Variants in FAM227B observed in about 807,000 individuals in gnomAD.
The protein encoded by FAM227B is family with sequence similarity 227 member B.
A neutral mutation model predicts 73.8 loss-of-function variants in FAM227B; 88 were observed. That is an observed-to-expected ratio of 1.19 (90% confidence interval 1.00 to 1.42). The LOEUF (loss-of-function observed/expected upper bound fraction) is 1.42, where lower values mean the gene tolerates loss of function less well. FAM227B is among the 40% of genes most tolerant of loss of function. The pLI, the probability that FAM227B is intolerant of heterozygous loss-of-function variation, is 0.00. For synonymous variants in FAM227B, 210 were observed against 190.5 expected (o/e 1.10, Z -0.84); for missense variants, 632 against 590.9 (o/e 1.07, Z -0.72).
At chr15:49,618,431 G>C (rs986801449) in intron 1 of FAM227B, among the ~76,000 whole-genome samples, 1 of 152,224 alleles carries the variant, frequency 6.6e-6, no homozygotes, top group Non-Finnish European at 1.5e-5. Context: ...GTTTGCCAGT[G>C]TTTGAGAACA....
At chr15:49,562,883 G>C (rs979017248) in intron 9 of FAM227B, among the ~76,000 whole-genome samples, 12 of 151,926 alleles carry the variant, frequency 7.9e-5, no homozygotes, top group Non-Finnish European at 1.8e-4. Flanking sequence ...CAAACCCACA[G>C]CCAATATCAT....
chr15:49,517,722 TC>T lies in FAM227B; in HGVS notation c.875-9375del, dbSNP rs1597807829. Among the ~76,000 whole-genome samples, 9 of 152,276 alleles carry T rather than the reference TC, an allele frequency of 5.9e-5. No individual in the cohort carries two copies. The East Asian group carries it at 1.7e-3, about 30-fold the overall frequency. ...AATGAACAAATCATAAATGTATAGC[TC>T]AATTAATTTTTTACAAATTTAATAT... On this transcript the variant is annotated intron_variant, in intron 10 of 15. Transcript: ENST00000299338.
At chr15:49,568,145 T>C (rs1179689867) in intron 9 of FAM227B, 100 bp downstream of exon 9, 15 of 1,097,636 alleles carry the variant, frequency 1.4e-5, no homozygotes, top group Middle Eastern at 2.8e-4. Context: ...CTTTCAAAAG[T>C]AACAAAATAT....
chr15:49,553,937 A>G (rs2073346703), intron 9 of FAM227B, among the ~76,000 whole-genome samples: 1 of 152,110 alleles, frequency 6.6e-6, no homozygotes, highest in Non-Finnish European at 1.5e-5. Context: ...TCAGAGTATC[A>G]CCCAGGGCCC....
intron 2 of FAM227B, among the ~76,000 whole-genome samples, chr15:49,614,303 A>G (rs1254853777): frequency 1.3e-5 from 2 of 152,222 alleles, no homozygotes; most frequent in African/African-American, 2.4e-5. Flanking sequence ...CATGATAATA[A>G]TAAGACAAAC....
At chr15:49,401,553 T>A (rs1473384042) in intron 11 of FAM227B, among the ~76,000 whole-genome samples, 1 of 148,964 alleles carries the variant, frequency 6.7e-6, no homozygotes, top group Non-Finnish European at 1.5e-5. Flanking sequence ...CATGCACATG[T>A]ATGTTTATTG....
At chr15:49,560,421 A>G (rs2074150580) in intron 9 of FAM227B, among the ~76,000 whole-genome samples, 2 of 152,228 alleles carry the variant, frequency 1.3e-5, no homozygotes, top group Admixed American at 1.3e-4. Flanking sequence ...CTGAAAGAGA[A>G]GGAGAACAAG....
chr15:49,513,346 T>C (rs960373888), intron 10 of FAM227B, among the ~76,000 whole-genome samples: 1 of 152,248 alleles, frequency 6.6e-6, no homozygotes, highest in African/African-American at 2.4e-5. Context: ...TGCATTTCTC[T>C]AATGATCAGT....
At position 49,595,809 on chromosome 15, in the gene FAM227B, C is replaced by T. The variant is rs535825336; in HGVS notation, c.106-5802G>A. 9.2e-4 allele frequency among the ~76,000 whole-genome samples: 140 copies of T among 151,704 alleles called. 5 individuals are homozygous for T. In the South Asian group the frequency reaches 0.027, roughly 29 times the overall value. ...GGAATGAAAGACACACTTAGAAAAA[C>T]GCAAAAGACATTGAAAAGTTTCAAC... On this transcript the variant is annotated intron_variant, in intron 3 of 15. Coordinates refer to ENST00000299338, the MANE Select transcript of FAM227B (RefSeq NM_152647.3).
At chr15:49,384,294 C>T (rs922045920) in intron 11 of FAM227B, among the ~76,000 whole-genome samples, 1 of 152,030 alleles carries the variant, frequency 6.6e-6, no homozygotes, top group Non-Finnish European at 1.5e-5. Context: ...GGGTATTTTA[C>T]TCTTTGAGCA....
rs561471741 is a variant in FAM227B, at chr15:49,402,010, G to GA, written c.1013-30612dup. 9.4e-5 allele frequency among the ~76,000 whole-genome samples: 14 copies of GA among 149,456 alleles called. No homozygotes were observed. In the East Asian group the frequency reaches 9.8e-4, roughly 10 times the overall value. ...AAAACTTAAAGTATAATAAAAAGAAGAAAAAAAAAATCTTACCAAAACTGC... is the reference window on the plus strand; with the variant it reads ...AAAACTTAAAGTATAATAAAAAGAAGAAAAAAAAAAATCTTACCAAAACTGC... On this transcript the variant is annotated intron_variant, in intron 11 of 15. Coordinates refer to ENST00000299338, the MANE Select transcript of FAM227B (RefSeq NM_152647.3).
intron 11 of FAM227B, among the ~76,000 whole-genome samples, chr15:49,408,122 T>A (rs79051549): frequency 0.023 from 3,528 of 152,300 alleles, 88 homozygotes; most frequent in South Asian, 0.13. Flanking sequence ...TCAGGGAGGG[T>A]CTAAAGTTGG....
intron 11 of FAM227B, among the ~76,000 whole-genome samples, chr15:49,506,852 G>A (rs73400271): frequency 0.029 from 4,361 of 151,992 alleles, 218 homozygotes; most frequent in African/African-American, 0.1. Flanking sequence ...AAAGAAGAAA[G>A]AGAATGATTT....
At chr15:49,445,864 G>T (rs2052152482) in intron 11 of FAM227B, among the ~76,000 whole-genome samples, 1 of 151,374 alleles carries the variant, frequency 6.6e-6, no homozygotes, top group South Asian at 2.1e-4. Context: ...AATTTAGTAT[G>T]ATCATTTGAA....
chr15:49,496,525 A>G (rs1335713423), intron 11 of FAM227B, among the ~76,000 whole-genome samples: 8 of 152,242 alleles, frequency 5.3e-5, no homozygotes, highest in African/African-American at 1.9e-4. Context: ...TGGCTTATAA[A>G]TCATGAGTCA....
chr15:49,530,184 T>C (rs1407825938), intron 10 of FAM227B, among the ~76,000 whole-genome samples: 2 of 151,786 alleles, frequency 1.3e-5, no homozygotes, highest in African/African-American at 4.8e-5. Context: ...GAAAACAATA[T>C]ATGTAACAGA....
rs528774251 is a variant in FAM227B, at chr15:49,392,185, T to G, written c.1013-20786A>C. ...AGGGGCAAATATATTGCATCAGAAA[T>G]GAAACTTCTAGGATGCAAAAGAGAC... On this transcript the variant is annotated intron_variant, in intron 11 of 15. Transcript: ENST00000299338. 2.0e-5 allele frequency among the ~76,000 whole-genome samples: 3 copies of G among 152,208 alleles called. No homozygotes were observed. The East Asian group carries it at 5.8e-4, about 29-fold the overall frequency.
At chr15:49,619,441 G>A (rs1297867023) in intron 1 of FAM227B, among the ~76,000 whole-genome samples, 3 of 152,140 alleles carry the variant, frequency 2.0e-5, no homozygotes, top group Non-Finnish European at 4.4e-5. Context: ...GGAGCTCTGA[G>A]TTTAAGCTAA....
chr15:49,508,479 T>C (rs1333506792), intron 10 of FAM227B, 131 bp from the exon 11 acceptor site: 3 of 677,758 alleles, frequency 4.4e-6, no homozygotes, highest in Non-Finnish European at 7.0e-6. Context: ...TTGTTCCTTT[T>C]AAGCTGCGTA....
Sources: gnomAD v4.1 joint callset for allele counts (sites outside exome capture counted in the v4.1 genomes callset) on GRCh38, gnomAD v4.1.1 for gene constraint, MANE v1.5 for transcripts, NCBI Gene and HGNC (gene_info 2026-07-23, HGNC 2026-07-21) for gene names.